Variants in HS6ST3 observed in about 807,000 individuals in gnomAD.
The protein encoded by HS6ST3 is heparan-sulfate 6-O-sulfotransferase 3.
Under a neutral mutation model 36.7 loss-of-function variants are expected in HS6ST3, and 12 were observed. The observed-to-expected ratio is 0.33, with a 90% CI of 0.21 to 0.53. HS6ST3 has a LOEUF of 0.53. Ranked by LOEUF, HS6ST3 falls within the 20% of genes least tolerant of loss-of-function variation. The pLI, the probability that HS6ST3 is intolerant of heterozygous loss-of-function variation, is 0.95. For synonymous variants in HS6ST3, 240 were observed against 257.5 expected, an observed-to-expected ratio of 0.93 and a Z score of 0.65; for missense variants, 584 against 640.9, an observed-to-expected ratio of 0.91 and a Z score of 0.96.
chr13:96,497,195 GAT>G (rs2138910276), intron 1 of HS6ST3, among the ~76,000 whole-genome samples: 1 of 152,212 alleles, frequency 6.6e-6, no homozygotes, highest in Admixed American at 6.5e-5. Context: ...GCCAGTGGTA[GAT>G]ATATGTGTGC....
chr13:96,383,722 G>C (rs1363820330), intron 1 of HS6ST3, among the ~76,000 whole-genome samples: 1 of 152,056 alleles, frequency 6.6e-6, no homozygotes, highest in East Asian at 1.9e-4. Flanking sequence ...CTCAAAGTGG[G>C]GGGGACATAG....
intron 1 of HS6ST3, among the ~76,000 whole-genome samples, chr13:96,536,820 A>G (rs2056157278): frequency 6.6e-6 from 1 of 152,238 alleles, no homozygotes; most frequent in South Asian, 2.1e-4. Flanking sequence ...TGTCTTATGC[A>G]GAAACCACCA....
chr13:96,491,025 A>G (rs960416751), intron 1 of HS6ST3, among the ~76,000 whole-genome samples: 5 of 152,206 alleles, frequency 3.3e-5, no homozygotes, highest in South Asian at 4.1e-4. Context: ...GAACATTTTC[A>G]TAATGACTTC....
At chr13:96,405,986 G>T (rs1180479316) in intron 1 of HS6ST3, among the ~76,000 whole-genome samples, 1 of 152,190 alleles carries the variant, frequency 6.6e-6, no homozygotes, top group Admixed American at 6.5e-5. Context: ...TTTCCATTAA[G>T]ACTTTGGAGA....
chr13:96,287,624 A>C (rs1409344446), intron 1 of HS6ST3, among the ~76,000 whole-genome samples: 1 of 152,154 alleles, frequency 6.6e-6, no homozygotes, highest in Non-Finnish European at 1.5e-5. Flanking sequence ...TCCCCAGTTC[A>C]TACAGAGATG....
intron 1 of HS6ST3, among the ~76,000 whole-genome samples, chr13:96,177,740 A>G (rs772760157): frequency 1.9e-4 from 29 of 151,704 alleles, no homozygotes; most frequent in Non-Finnish European, 3.1e-4. Context: ...ACAAACCTGC[A>G]TGACACATAC....
At chr13:96,708,405 C>T (rs1875480745) in intron 1 of HS6ST3, among the ~76,000 whole-genome samples, 1 of 152,106 alleles carries the variant, frequency 6.6e-6, no homozygotes, top group Non-Finnish European at 1.5e-5. Flanking sequence ...TTGAGAATAC[C>T]CCAATCTCTT....
At chr13:96,531,298 C>T (rs1161704555) in intron 1 of HS6ST3, among the ~76,000 whole-genome samples, 2 of 152,078 alleles carry the variant, frequency 1.3e-5, no homozygotes, top group South Asian at 2.1e-4. Context: ...TTTGTAAAAA[C>T]GAGAAGTTAA....
intron 1 of HS6ST3, among the ~76,000 whole-genome samples, chr13:96,156,694 CT>C (rs1392538084): frequency 2.0e-5 from 3 of 152,142 alleles, no homozygotes; most frequent in Non-Finnish European, 4.4e-5. Flanking sequence ...GGGTTTGTTT[CT>C]TGACTTCAGG....
intron 1 of HS6ST3, among the ~76,000 whole-genome samples, chr13:96,664,733 T>C (rs2056657845): frequency 6.6e-6 from 1 of 152,222 alleles, no homozygotes; most frequent in South Asian, 2.1e-4. Context: ...ACTGTTTCTC[T>C]TCCTTTTCTT....
chr13:96,472,495 C>A (rs2055844369), intron 1 of HS6ST3, among the ~76,000 whole-genome samples: 1 of 152,200 alleles, frequency 6.6e-6, no homozygotes, highest in East Asian at 1.9e-4. Context: ...GAAAAGACTT[C>A]TTCCTGGAAG....
At chr13:96,377,609 A>G (rs1323140193) in intron 1 of HS6ST3, among the ~76,000 whole-genome samples, 1 of 152,190 alleles carries the variant, frequency 6.6e-6, no homozygotes, top group Non-Finnish European at 1.5e-5. Context: ...CAACATTCCT[A>G]CAGTGGATGT....
chr13:96,492,037 G>A (rs888555495), intron 1 of HS6ST3, among the ~76,000 whole-genome samples: 13 of 152,068 alleles, frequency 8.5e-5, no homozygotes, highest in Admixed American at 4.6e-4. Flanking sequence ...CCTTCTCAAT[G>A]GCATATTCAT....
chr13:96,518,001 A>G (rs931925811), intron 1 of HS6ST3, among the ~76,000 whole-genome samples: 2 of 152,234 alleles, frequency 1.3e-5, no homozygotes, highest in Admixed American at 6.5e-5. Flanking sequence ...AATGTGGTAC[A>G]TATACACCAT....
chr13:96,548,232 T>C (rs1161216172), intron 1 of HS6ST3, among the ~76,000 whole-genome samples: 1 of 152,062 alleles, frequency 6.6e-6, no homozygotes, highest in African/African-American at 2.4e-5. Context: ...AACCTGGACC[T>C]CCAGACTCTT....
intron 1 of HS6ST3, among the ~76,000 whole-genome samples, chr13:96,626,644 A>C (rs971467616): frequency 6.6e-6 from 1 of 152,112 alleles, no homozygotes; most frequent in Admixed American, 6.5e-5. Flanking sequence ...TCTGTAGAAA[A>C]ATTTGGGATG....
At chr13:96,112,299 A>G (rs1271530498) in intron 1 of HS6ST3, among the ~76,000 whole-genome samples, 1 of 152,104 alleles carries the variant, frequency 6.6e-6, no homozygotes, top group African/African-American at 2.4e-5. Flanking sequence ...GATGAATTTA[A>G]TAGTTAAAGA....
At chr13:96,754,648 T>A (rs554420495) in intron 1 of HS6ST3, among the ~76,000 whole-genome samples, 3 of 152,234 alleles carry the variant, frequency 2.0e-5, no homozygotes. Context: ...TTTTTAATTC[T>A]CAGCACATTG....
intron 1 of HS6ST3, among the ~76,000 whole-genome samples, chr13:96,397,875 A>G (rs951745489): frequency 6.7e-6 from 1 of 149,268 alleles, no homozygotes; most frequent in South Asian, 2.1e-4. Context: ...AGGTACCACT[A>G]TCTTCTCCAT....
Sources: gnomAD v4.1 joint callset for allele counts (sites outside exome capture counted in the v4.1 genomes callset) on GRCh38, gnomAD v4.1.1 for gene constraint, MANE v1.5 for transcripts, NCBI Gene and HGNC (gene_info 2026-07-23, HGNC 2026-07-21) for gene names.